TBL1X: variants seen among roughly 807,000 people sequenced by gnomAD.
TBL1X encodes transducin beta like 1 X-linked, also known as F-box-like/WD repeat-containing protein TBL1X.
In TBL1X, 10 loss-of-function variants were observed where a neutral mutation model predicts 50.7. That is an observed-to-expected ratio of 0.20 (90% confidence interval 0.12 to 0.33). The LOEUF is 0.33. TBL1X is among the 10% of genes least tolerant of loss of function. The pLI is 1.00. For missense variants in TBL1X, 340 were observed against 504.4 expected, an observed-to-expected ratio of 0.67 and a Z score of 3.12; for synonymous variants, 190 against 214.7, an observed-to-expected ratio of 0.88 and a Z score of 1.01.
chrX:9,471,486 G>A lies in TBL1X; in HGVS notation c.-201+6039G>A, dbSNP rs140873414. Among the ~76,000 whole-genome samples, 884 of 112,458 alleles carry A rather than the reference G, an allele frequency of 7.9e-3. 14 individuals carry two copies. The highest frequency in any genetic ancestry group is 0.028 in the African/African-American group (857 of 30,984). On this transcript the variant is annotated intron_variant, in intron 1 of 17. Transcript: ENST00000645353. Reference sequence around the variant, plus strand: ...TTTTTCAGACTGGTTAAGGATGACGGTTTTATGTTAACTAAACATTGGGAT... The same window carrying A: ...TTTTTCAGACTGGTTAAGGATGACGATTTTATGTTAACTAAACATTGGGAT...
Position 9,706,898 on chromosome X carries a change from C to A in TBL1X, c.1236+1784C>A, listed in dbSNP as rs1476004090. Among the ~76,000 whole-genome samples the A allele has an allele frequency of 2.7e-5, 3 of 111,472 alleles. No homozygotes were observed. In the East Asian group the frequency reaches 8.5e-4, roughly 32 times the overall value. ...CTCTCGGTCCAAAACAGAATCCTCCCCAGTCTCCAGGCCCATTCACGTATC... is the reference window on the plus strand; with the variant it reads ...CTCTCGGTCCAAAACAGAATCCTCCACAGTCTCCAGGCCCATTCACGTATC... On this transcript the variant is annotated intron_variant, in intron 13 of 17. Coordinates refer to ENST00000645353, the MANE Select transcript of TBL1X (RefSeq NM_005647.4).
intron 2 of TBL1X, among the ~76,000 whole-genome samples, chrX:9,605,410 G>A (rs892946477): frequency 1.8e-5 from 2 of 112,492 alleles, no homozygotes; most frequent in Non-Finnish European, 3.8e-5. Context: ...AAGCCACAGA[G>A]GGTCTCTTTC....
intron 2 of TBL1X, among the ~76,000 whole-genome samples, chrX:9,597,490 G>A (rs780349699): frequency 1.3e-4 from 15 of 111,928 alleles, no homozygotes; most frequent in African/African-American, 4.5e-4. Context: ...TTTCCTCCCA[G>A]AGACATTAAT....
intron 2 of TBL1X, among the ~76,000 whole-genome samples, chrX:9,555,688 A>G (rs1256640099): frequency 2.7e-5 from 3 of 111,885 alleles, no homozygotes; most frequent in South Asian, 3.7e-4. Context: ...CAGTTTCTCT[A>G]TATCCTCGCC....
At chrX:9,645,035 C>T (rs1261614244) in intron 3 of TBL1X, 2 of 112,264 alleles carry the variant, frequency 1.8e-5, no homozygotes, top group Non-Finnish European at 3.8e-5. Context: ...CCTCCCAACC[C>T]TGTAGCCTCA....
At chrX:9,549,096 C>G (rs945152934) in intron 2 of TBL1X, among the ~76,000 whole-genome samples, 1 of 112,931 alleles carries the variant, frequency 8.9e-6, no homozygotes, top group African/African-American at 3.2e-5. Flanking sequence ...GTGCATTGCA[C>G]TAAGGAAGCC....
At chrX:9,498,257 C>T (rs1304248911) in intron 1 of TBL1X, among the ~76,000 whole-genome samples, 1 of 111,432 alleles carries the variant, frequency 9.0e-6, no homozygotes, top group African/African-American at 3.3e-5. Context: ...TTAAGCTGCT[C>T]CATTACTCAT....
intron 2 of TBL1X, among the ~76,000 whole-genome samples, chrX:9,504,489 A>G (rs2082016660): frequency 8.9e-6 from 1 of 112,257 alleles, no homozygotes; most frequent in African/African-American, 3.2e-5. Flanking sequence ...AAGATGGGTT[A>G]TAAAAAACTA....
At chrX:9,574,938 T>C (rs1274418035) in intron 2 of TBL1X, among the ~76,000 whole-genome samples, 3 of 111,952 alleles carry the variant, frequency 2.7e-5, no homozygotes, top group Non-Finnish European at 5.6e-5. Flanking sequence ...TGTGCAATCA[T>C]CACTATCTGA....
At chrX:9,621,881 C>T (rs2082668608) in intron 2 of TBL1X, among the ~76,000 whole-genome samples, 1 of 111,729 alleles carries the variant, frequency 9.0e-6, no homozygotes, top group Non-Finnish European at 1.9e-5. Context: ...CAGAAACTAT[C>T]AAGATTCTGA....
At chrX:9,511,008 G>A (rs1401114526) in intron 2 of TBL1X, among the ~76,000 whole-genome samples, 1 of 112,130 alleles carries the variant, frequency 8.9e-6, no homozygotes, top group Non-Finnish European at 1.9e-5. Flanking sequence ...GGACAGCCCT[G>A]ACTAACATCA....
At chrX:9,577,913 C>T (rs769445768) in intron 2 of TBL1X, among the ~76,000 whole-genome samples, 3 of 112,391 alleles carry the variant, frequency 2.7e-5, no homozygotes, top group Non-Finnish European at 5.6e-5. Flanking sequence ...TGAGTCAAGA[C>T]GGTGACACAG....
At chrX:9,585,335 T>TCCTC (rs2082463167) in intron 2 of TBL1X, among the ~76,000 whole-genome samples, 1 of 53,423 alleles carries the variant, frequency 1.9e-5, no homozygotes, top group African/African-American at 7.5e-5. Context: ...GCCACCCCCC[T>TCCTC]CCCCTCCCCC....
chrX:9,588,967 A>T (rs756534448), intron 2 of TBL1X, among the ~76,000 whole-genome samples: 43 of 111,296 alleles, frequency 3.9e-4, no homozygotes, highest in Non-Finnish European at 8.1e-4. Flanking sequence ...ATTTTCTGGC[A>T]TCCCCTTCAA....
At chrX:9,528,560 T>C (rs1347388889) in intron 2 of TBL1X, among the ~76,000 whole-genome samples, 3 of 109,984 alleles carry the variant, frequency 2.7e-5, no homozygotes, top group Non-Finnish European at 5.7e-5. Context: ...CCCAGCCTCT[T>C]TGCCTAGTTC....
At chrX:9,533,320 C>T (rs765378473) in intron 2 of TBL1X, among the ~76,000 whole-genome samples, 61 of 111,422 alleles carry the variant, frequency 5.5e-4, no homozygotes, top group Non-Finnish European at 3.0e-4. Flanking sequence ...GCCTGCTTTT[C>T]TCTACTCTCC....
At chrX:9,481,269 G>T (rs1158535714) in intron 1 of TBL1X, among the ~76,000 whole-genome samples, 1 of 112,237 alleles carries the variant, frequency 8.9e-6, no homozygotes, top group Non-Finnish European at 1.9e-5. Flanking sequence ...AGTAATGGAA[G>T]ACCGAAATAA....
At chrX:9,668,397 ACT>A (rs58700808) in intron 5 of TBL1X, among the ~76,000 whole-genome samples, 6,408 of 109,219 alleles carry the variant, frequency 0.059, 510 homozygotes, top group African/African-American at 0.2. Context: ...AACTTTTGGG[ACT>A]CTCGTGGAGA....
intron 2 of TBL1X, among the ~76,000 whole-genome samples, chrX:9,593,268 G>A (rs985343164): frequency 8.2e-5 from 9 of 109,654 alleles, no homozygotes; most frequent in African/African-American, 3.0e-4. Context: ...CAGGTGTGAC[G>A]GTGGGCGCCT....
Sources: allele counts gnomAD v4.1 joint callset (sites outside exome capture counted in the v4.1 genomes callset), GRCh38; gene constraint gnomAD v4.1.1; transcripts MANE v1.5; gene names NCBI Gene and HGNC (gene_info 2026-07-23, HGNC 2026-07-21).